Variants in SLC8A1 observed in about 807,000 individuals in gnomAD.
SLC8A1 encodes the protein sodium/calcium exchanger 1.
Under a neutral mutation model 68.3 loss-of-function variants are expected in SLC8A1, and 18 were observed. The ratio of observed to expected loss-of-function variants is 0.26; its 90% CI spans 0.18 to 0.39. The LOEUF (loss-of-function observed/expected upper bound fraction) is 0.39, where lower values mean the gene tolerates loss of function less well. Ranked by LOEUF, SLC8A1 falls within the 10% of genes least tolerant of loss-of-function variation. The pLI is 1.00. For synonymous variants in SLC8A1, 475 were observed against 415.5 expected, an observed-to-expected ratio of 1.14 and a Z score of -1.74; for missense variants, 985 against 1,156.7, an observed-to-expected ratio of 0.85 and a Z score of 2.15.
chr2:40,256,062 A>C (rs2063863969), intron 2 of SLC8A1, among the ~76,000 whole-genome samples: 3 of 152,308 alleles, frequency 2.0e-5, no homozygotes, highest in Admixed American at 2.0e-4. Context: ...ATCTAACCGA[A>C]GCCACAGGAT....
At position 40,433,177 on chromosome 2, in the gene SLC8A1, A is replaced by T. The variant is rs545784202; in HGVS notation, c.-24-2873T>A. The stretch of plus-strand genomic sequence containing the variant: ...TCTGACACTCTTCACGTCCCTTAAA[A>T]CTCTTCATTGGTTTCCCACTTCCCT... On this transcript the variant is annotated intron_variant, in intron 1 of 7. Transcript: ENST00000406785. Among the ~76,000 whole-genome samples, 3 of 151,832 alleles carry T rather than the reference A, an allele frequency of 2.0e-5. No homozygotes were observed. In the South Asian group the frequency reaches 6.2e-4, roughly 32 times the overall value.
intron 2 of SLC8A1, among the ~76,000 whole-genome samples, chr2:40,391,045 C>A (rs952758107): frequency 6.6e-6 from 1 of 151,802 alleles, no homozygotes; most frequent in Non-Finnish European, 1.5e-5. Flanking sequence ...ATGAAAGTTG[C>A]TTTTATTACC....
chr2:40,422,037 G>C (rs1016754696), intron 2 of SLC8A1, among the ~76,000 whole-genome samples: 2 of 152,078 alleles, frequency 1.3e-5, no homozygotes, highest in Non-Finnish European at 2.9e-5. Context: ...GAAGACAGCA[G>C]CTTGAGTCCT....
chr2:40,352,639 A>G (rs1671446653), intron 2 of SLC8A1, among the ~76,000 whole-genome samples: 1 of 152,214 alleles, frequency 6.6e-6, no homozygotes, highest in African/African-American at 2.4e-5. Flanking sequence ...TGACCTTTGA[A>G]GAGGATTTCT....
chr2:40,317,329 AT>A (rs768403643), intron 2 of SLC8A1, among the ~76,000 whole-genome samples: 1 of 152,084 alleles, frequency 6.6e-6, no homozygotes, highest in Non-Finnish European at 1.5e-5. Context: ...ATGTAATCAT[AT>A]TGGTTTTATG....
chr2:40,496,422 A>G (rs1705705332), intron 1 of SLC8A1, among the ~76,000 whole-genome samples: 3 of 152,112 alleles, frequency 2.0e-5, no homozygotes, highest in Admixed American at 2.0e-4. Context: ...CAGTTGGATC[A>G]AGATCTGAAT....
chr2:40,356,012 A>G (rs1028758953), intron 2 of SLC8A1, among the ~76,000 whole-genome samples: 4 of 152,092 alleles, frequency 2.6e-5, no homozygotes, highest in African/African-American at 9.7e-5. Flanking sequence ...AGGTAGAGTC[A>G]CTGATGGTTA....
chr2:40,452,931 G>A (rs1246458814), upstream of SLC8A1, among the ~76,000 whole-genome samples: 1 of 152,074 alleles, frequency 6.6e-6, no homozygotes, highest in Non-Finnish European at 1.5e-5. Context: ...GGTTGAGTGG[G>A]AAAAAACCTA....
intron 2 of SLC8A1, among the ~76,000 whole-genome samples, chr2:40,240,858 G>A (rs2061125869): frequency 6.6e-6 from 1 of 152,116 alleles, no homozygotes; most frequent in Non-Finnish European, 1.5e-5. Context: ...CTGCCTGGAT[G>A]ACAGAATGAT....
chr2:40,232,174 A>G (rs1485876201), intron 2 of SLC8A1, among the ~76,000 whole-genome samples: 3 of 152,062 alleles, frequency 2.0e-5, no homozygotes, highest in Admixed American at 6.6e-5. Context: ...GGAAACGGAA[A>G]ACCTTAGGAG....
At chr2:40,203,120 C>A (rs930659894) in intron 2 of SLC8A1, among the ~76,000 whole-genome samples, 1 of 151,916 alleles carries the variant, frequency 6.6e-6, no homozygotes, top group Admixed American at 6.6e-5. Flanking sequence ...GACAGACTTT[C>A]CCTATTCTCA....
chr2:40,385,559 A>C (rs1042085396), intron 2 of SLC8A1, among the ~76,000 whole-genome samples: 1 of 151,262 alleles, frequency 6.6e-6, no homozygotes, highest in African/African-American at 2.5e-5. Flanking sequence ...TGTAAAAGTT[A>C]TCATATCAAC....
intron 2 of SLC8A1, among the ~76,000 whole-genome samples, chr2:40,184,898 C>CAA (rs66662572): frequency 8.4e-5 from 9 of 106,510 alleles, no homozygotes; most frequent in South Asian, 6.6e-4. Context: ...TAACCAAAAA[C>CAA]AAAAAAAAAA....
intron 2 of SLC8A1, among the ~76,000 whole-genome samples, chr2:40,192,576 A>T (rs995113678): frequency 6.6e-6 from 1 of 152,128 alleles, no homozygotes; most frequent in Non-Finnish European, 1.5e-5. Flanking sequence ...TTTGCAGGGC[A>T]TCTCAAGGGT....
Position 40,141,596 on chromosome 2 carries a change from G to A in SLC8A1, c.2162-1920C>T, listed in dbSNP as rs186407297. Among the ~76,000 whole-genome samples, 97 of 152,262 alleles carry A rather than the reference G, an allele frequency of 6.4e-4. 1 individual carries two copies. Among genetic ancestry groups the A allele is most frequent in the East Asian group, 1.7e-3 (9 of 5,182 alleles). On this transcript the variant is annotated intron_variant, in intron 6 of 7. Coordinates refer to ENST00000406785, the Ensembl canonical transcript of SLC8A1. ...TGTGAGTGAAAAAGCATTGCTGACC[G>A]TTTGCTCTGCTGTTCATGCAGTATT...
intron 1 of SLC8A1, among the ~76,000 whole-genome samples, chr2:40,473,719 G>T (rs1051964611): frequency 2.6e-5 from 4 of 152,026 alleles, no homozygotes; most frequent in Admixed American, 6.5e-5. Flanking sequence ...TAATGAGATG[G>T]GTAAGAAACA....
At chr2:40,374,839 A>G (rs1312666813) in intron 2 of SLC8A1, among the ~76,000 whole-genome samples, 2 of 152,040 alleles carry the variant, frequency 1.3e-5, no homozygotes, top group African/African-American at 2.4e-5. Flanking sequence ...ACATATGTTT[A>G]AGGACTTTTT....
At chr2:40,126,112 G>A (rs934853859) in intron 7 of SLC8A1, among the ~76,000 whole-genome samples, 1 of 152,088 alleles carries the variant, frequency 6.6e-6, no homozygotes, top group Non-Finnish European at 1.5e-5. Context: ...GTAATTTCTG[G>A]TGTTCAGGTC....
chr2:40,269,729 C>T (rs2065789965), intron 2 of SLC8A1, among the ~76,000 whole-genome samples: 1 of 152,102 alleles, frequency 6.6e-6, no homozygotes, highest in Non-Finnish European at 1.5e-5. Context: ...CAGCATTTCA[C>T]CTTGTTACTC....
Sources: allele counts gnomAD v4.1 joint callset (sites outside exome capture counted in the v4.1 genomes callset), GRCh38; gene constraint gnomAD v4.1.1; transcripts MANE v1.5; gene names NCBI Gene and HGNC (gene_info 2026-07-23, HGNC 2026-07-21).